The following FAM184A variants were observed in gnomAD, a reference collection of about 807,000 sequenced individuals.
The protein encoded by FAM184A is protein FAM184A.
A neutral mutation model predicts 143.8 loss-of-function variants in FAM184A; 99 were observed. The observed-to-expected ratio is 0.69, with a 90% CI of 0.58 to 0.81. The LOEUF is 0.81. Among genes scored for constraint, FAM184A ranks in the 40% least tolerant of loss-of-function variants. FAM184A has a pLI of 0.00. For synonymous variants in FAM184A, 427 were observed against 446.4 expected (o/e 0.96, Z 0.55); for missense variants, 1,217 against 1,310.5 (o/e 0.93, Z 1.10).
At chr6:119,079,896 C>T (rs909281211), upstream of FAM184A, among the ~76,000 whole-genome samples, 2 of 152,164 alleles carry the variant, frequency 1.3e-5, no homozygotes, top group African/African-American at 4.8e-5. Context: ...GGTACTCAGT[C>T]CCCCTTAAAT....
rs921261815 is a variant in FAM184A at position 118,975,160 on chromosome 6, G to A, written c.2632C>T (p.His878Tyr). 4 of 1,610,304 alleles carry A rather than the reference G, an allele frequency of 2.5e-6. No homozygotes were observed. The highest frequency in any genetic ancestry group is 3.4e-6 in the Non-Finnish European group (4 of 1,178,108). ...AATTCAGAGATGTGATGCTCTCTGT[G>A]TCTTAATTCCTCTTGTAGATCTGTA... ...RITDLQEELR[H>Y]REHHISELDK... The change falls in exon 13 of 18, where the codon CAC (histidine) becomes TAC (tyrosine). Residue 878 changes from histidine (H) to tyrosine (Y), a missense_variant. Physicochemically the swap from His to Tyr is moderately conservative, Grantham distance 83. Coordinates refer to ENST00000338891, the MANE Select transcript of FAM184A (RefSeq NM_024581.6).
intron 1 of FAM184A, among the ~76,000 whole-genome samples, chr6:119,071,789 G>A (rs949215214): frequency 2.7e-5 from 4 of 148,938 alleles, no homozygotes; most frequent in African/African-American, 7.4e-5. Flanking sequence ...ATGGCACCGA[G>A]CCCTCACACC....
intron 1 of FAM184A, among the ~76,000 whole-genome samples, chr6:119,092,761 TCTGGGTCTGATAA>T (rs1788406253): frequency 6.6e-6 from 1 of 152,212 alleles, no homozygotes; most frequent in Non-Finnish European, 1.5e-5. Context: ...ATTATTGGGT[TCTGGGTCTGATAA>T]CTCACTCTGG....
At chr6:119,004,353 G>A (rs1196566558) in intron 7 of FAM184A, among the ~76,000 whole-genome samples, 1 of 152,176 alleles carries the variant, frequency 6.6e-6, no homozygotes, top group Non-Finnish European at 1.5e-5. Context: ...ACTTGCTAAT[G>A]ACATGTGGTG....
intron 1 of FAM184A, among the ~76,000 whole-genome samples, chr6:119,095,952 C>G (rs1264709542): frequency 6.6e-6 from 1 of 152,192 alleles, no homozygotes; most frequent in Non-Finnish European, 1.5e-5. Flanking sequence ...GATGTTGACT[C>G]TTGTGGGTTC....
At chr6:118,998,707 G>A (rs2114630218) in intron 9 of FAM184A, among the ~76,000 whole-genome samples, 1 of 152,306 alleles carries the variant, frequency 6.6e-6, no homozygotes, top group South Asian at 2.1e-4. Flanking sequence ...TCCCCAAGAT[G>A]GGTTCAGCTT....
intron 1 of FAM184A, among the ~76,000 whole-genome samples, chr6:119,061,011 G>A (rs1004989254): frequency 1.3e-5 from 2 of 152,206 alleles, no homozygotes; most frequent in Admixed American, 6.5e-5. Flanking sequence ...GTGGCTGGAA[G>A]TTCTGGAGTT....
Position 119,122,999 on chromosome 6 carries a change from C to G in FAM184A, c.-202+26079G>C, listed in dbSNP as rs568178705. On this transcript the variant is annotated intron_variant, in intron 1 of 16. Transcript: ENST00000352896. ...ATCTGAGGGTGGAGTTTTCAGTCCT[C>G]TAATGTCACAAAGTGAAGCAGAGGA... Among the ~76,000 whole-genome samples the G allele has an allele frequency of 2.3e-5, 3 of 133,094 alleles. No individual in the cohort carries two copies. In the East Asian group the frequency reaches 7.1e-4, roughly 32 times the overall value. The allele number at this position is 133,094 out of a possible 152,430, so 87.3% of individuals were successfully genotyped here. A position where few individuals can be genotyped will look rare whatever the true frequency, so the allele number is the denominator to read the frequency against.
rs1239141733 is a variant in FAM184A at position 119,078,459 on chromosome 6, G to GGGTCACCCCTGGAAGGGACGGGGC, written c.-184_-161dup. ...AGGCGCCGTCCCACCCGCGACCCCC[G>GGGTCACCCCTGGAAGGGACGGGGC]GGTCACCCCTGGAAGGGACGGGGCG... On this transcript the variant is annotated 5_prime_UTR_variant, in exon 1 of 18. Transcript: ENST00000338891. The surrounding 1 kb of genome is among the most constrained non-coding windows in gnomAD (Gnocchi z 5.5). The GGGTCACCCCTGGAAGGGACGGGGC allele has an allele frequency of 2.9e-6, 2 of 693,942 alleles. No homozygotes were observed. Among genetic ancestry groups the GGGTCACCCCTGGAAGGGACGGGGC allele is most frequent in the Admixed American group, 8.3e-5 (2 of 23,994 alleles). The allele number at this position is 693,942 out of a possible 1,614,324, so 43.0% of individuals were successfully genotyped here. A position where few individuals can be genotyped will look rare whatever the true frequency, so the allele number is the denominator to read the frequency against.
chr6:119,147,894 C>T (rs148460358), intron 1 of FAM184A, among the ~76,000 whole-genome samples: 281 of 152,368 alleles, frequency 1.8e-3, no homozygotes, highest in Middle Eastern at 6.8e-3. Flanking sequence ...GGGCACACCT[C>T]AAGACTTCCC....
At chr6:119,072,941 C>T (rs1350273727) in intron 1 of FAM184A, among the ~76,000 whole-genome samples, 4 of 151,928 alleles carry the variant, frequency 2.6e-5, no homozygotes, top group Non-Finnish European at 5.9e-5. Flanking sequence ...CTTGCTGTAT[C>T]ATTATGACCA....
chr6:119,113,339 G>A (rs542669430), intron 1 of FAM184A, among the ~76,000 whole-genome samples: 41 of 152,246 alleles, frequency 2.7e-4, no homozygotes, highest in African/African-American at 9.1e-4. Flanking sequence ...TTTAAATGAG[G>A]CCTGGCTGTG....
chr6:118,983,373 T>C (rs1314509566), intron 9 of FAM184A, among the ~76,000 whole-genome samples: 5 of 152,210 alleles, frequency 3.3e-5, no homozygotes, highest in Admixed American at 2.6e-4. Context: ...AAACTTTAAC[T>C]CAAAAGATAA....
Position 119,024,532 on chromosome 6 carries a change from A to G in FAM184A, c.441T>C (p.His147=). The G allele has an allele frequency of 6.2e-7, 1 of 1,614,020 alleles. No homozygotes were observed. Among genetic ancestry groups the G allele is most frequent in the Non-Finnish European group, 8.5e-7 (1 of 1,179,990 alleles). ...EDMQLCAEAQ[H]VQRIVTMSRE... ...TAGACATGGTCACTATGCGTTGGACATGCTGGGCTTCTGCACAAAGTTGCA... is the reference window on the plus strand; with the variant it reads ...TAGACATGGTCACTATGCGTTGGACGTGCTGGGCTTCTGCACAAAGTTGCA... Residue 147 remains histidine, a synonymous_variant, in exon 2 of 18, where the codon CAT becomes CAC. Transcript: ENST00000338891.
At chr6:119,130,266 A>AC (rs1789501237) in intron 1 of FAM184A, among the ~76,000 whole-genome samples, 2 of 152,170 alleles carry the variant, frequency 1.3e-5, no homozygotes, top group African/African-American at 4.8e-5. Context: ...AATTTTAGGG[A>AC]GCCCCCAAAT....
intron 1 of FAM184A, among the ~76,000 whole-genome samples, chr6:119,076,115 G>A (rs944972557): frequency 6.6e-6 from 1 of 152,120 alleles, no homozygotes; most frequent in South Asian, 2.1e-4. Context: ...GACTGGGGGT[G>A]GGGGGTGAGG....
In FAM184A at chr6:118,975,982, G is replaced by A. The variant is rs1783832248; in HGVS notation, c.2518C>T (p.His840Tyr). 1 of 1,613,452 alleles carries A rather than the reference G, an allele frequency of 6.2e-7. No homozygotes were observed. Among genetic ancestry groups the A allele is most frequent in the Non-Finnish European group, 8.5e-7 (1 of 1,179,860 alleles). Residue 840 changes from histidine (H) to tyrosine (Y), a missense_variant, in exon 12 of 18, where the codon CAT becomes TAT. His to Tyr is a moderately conservative substitution (Grantham distance 83, BLOSUM62 2). Transcript: ENST00000338891. The stretch of plus-strand genomic sequence containing the variant: ...TTAGCAGCTGCCAATTCTTGATGAT[G>A]ATTATGCCGTAACAAATCAATTGCA... ...AAAIDLLRHN[H>Y]HQELAAAKME...
At chr6:119,100,726 G>C (rs892625800) in intron 1 of FAM184A, among the ~76,000 whole-genome samples, 1 of 152,054 alleles carries the variant, frequency 6.6e-6, no homozygotes, top group African/African-American at 2.4e-5. Context: ...GGAGGCCGAG[G>C]TGGGCAGATG....
At chr6:119,122,445 C>G (rs1789242080) in intron 1 of FAM184A, among the ~76,000 whole-genome samples, 1 of 152,108 alleles carries the variant, frequency 6.6e-6, no homozygotes, top group Non-Finnish European at 1.5e-5. Flanking sequence ...GTCTGGGAAG[C>G]ATAGTCTGTG....
Sources: allele counts gnomAD v4.1 joint callset (sites outside exome capture counted in the v4.1 genomes callset), GRCh38; gene constraint gnomAD v4.1.1; non-coding constraint Gnocchi (gnomAD v3.1); transcripts MANE v1.5; gene names NCBI Gene and HGNC (gene_info 2026-07-23, HGNC 2026-07-21).